The following PCDH15 variants were observed in gnomAD, a reference collection of about 807,000 sequenced individuals.
The protein encoded by PCDH15 is protocadherin-15.
Under a neutral mutation model 178.5 loss-of-function variants are expected in PCDH15, and 129 were observed. That is an observed-to-expected ratio of 0.72 (90% CI 0.63 to 0.84). The LOEUF (loss-of-function observed/expected upper bound fraction) is 0.84, where lower values mean the gene tolerates loss of function less well. Ranked by LOEUF, PCDH15 falls within the 40% of genes least tolerant of loss-of-function variation. The pLI, the probability that PCDH15 is intolerant of heterozygous loss-of-function variation, is 0.00. For missense variants in PCDH15, 2,230 were observed against 2,099.9 expected, an observed-to-expected ratio of 1.06 and a Z score of -1.21; for synonymous variants, 800 against 732.0, an observed-to-expected ratio of 1.09 and a Z score of -1.50.
At chr10:54,486,130 C>T (rs2079080786) in intron 3 of PCDH15, 1 of 151,908 alleles carries the variant, frequency 6.6e-6, no homozygotes, top group African/African-American at 2.4e-5. Flanking sequence ...ATATAGTTAC[C>T]ATAAATGGGA....
chr10:54,414,686 A>C (rs1217444918), intron 3 of PCDH15, among the ~76,000 whole-genome samples: 2 of 152,102 alleles, frequency 1.3e-5, no homozygotes, highest in Non-Finnish European at 2.9e-5. Flanking sequence ...AAAAATTTTA[A>C]ATTTATAATT....
intron 30 of PCDH15, among the ~76,000 whole-genome samples, chr10:53,829,924 G>T (rs1461758087): frequency 6.6e-6 from 1 of 152,036 alleles, no homozygotes; most frequent in Admixed American, 6.6e-5. Flanking sequence ...CATACATTTG[G>T]ATTTTCAGGT....
chr10:54,445,032 T>C (rs7071936), intron 3 of PCDH15, among the ~76,000 whole-genome samples: 12,919 of 151,102 alleles, frequency 0.085, 1,661 homozygotes, highest in African/African-American at 0.28. Context: ...TCCAAGGAGA[T>C]GATTCTCCTT....
At chr10:54,723,403 TG>T (rs1941968167) in intron 1 of PCDH15, among the ~76,000 whole-genome samples, 1 of 151,754 alleles carries the variant, frequency 6.6e-6, no homozygotes, top group Non-Finnish European at 1.5e-5. Flanking sequence ...CAAGTCAAAG[TG>T]GATTAAAGAC....
intron 14 of PCDH15, among the ~76,000 whole-genome samples, chr10:54,141,664 T>G (rs1194171975): frequency 6.6e-6 from 1 of 152,166 alleles, no homozygotes; most frequent in Non-Finnish European, 1.5e-5. Flanking sequence ...TAAGTGACAC[T>G]CAATTGAATT....
At chr10:54,633,844 A>G (rs2093770136) in intron 2 of PCDH15, among the ~76,000 whole-genome samples, 2 of 152,106 alleles carry the variant, frequency 1.3e-5, no homozygotes, top group Admixed American at 6.6e-5. Context: ...TGAAAAACTA[A>G]ACCTAAATCA....
intron 26 of PCDH15, among the ~76,000 whole-genome samples, chr10:53,871,341 A>G (rs1202021998): frequency 6.6e-6 from 1 of 152,066 alleles, no homozygotes; most frequent in Non-Finnish European, 1.5e-5. Flanking sequence ...ACGTCGTCTC[A>G]AAAAAACAAA....
chr10:54,483,647 A>G (rs1427256177), intron 3 of PCDH15, among the ~76,000 whole-genome samples: 1 of 151,944 alleles, frequency 6.6e-6, no homozygotes, highest in Non-Finnish European at 1.5e-5. Flanking sequence ...ATGAAATAAA[A>G]GAAACAGAAA....
chr10:54,799,464 T>C (rs1342112622), intron 1 of PCDH15, among the ~76,000 whole-genome samples: 1 of 152,148 alleles, frequency 6.6e-6, no homozygotes, highest in Non-Finnish European at 1.5e-5. Flanking sequence ...GAAAATGAAA[T>C]GTTTTATTTA....
chr10:54,866,949 C>T (rs1953953833), intron 3 of PCDH15, among the ~76,000 whole-genome samples: 1 of 152,144 alleles, frequency 6.6e-6, no homozygotes, highest in Admixed American at 6.6e-5. Flanking sequence ...GAGAAATGAA[C>T]ACAGTGTCAT....
At position 54,439,606 on chromosome 10, in the gene PCDH15, T is replaced by C. The variant is rs1333448094; in HGVS notation, c.158-60664A>G. On this transcript the variant is annotated intron_variant, in intron 3 of 37. Transcript: ENST00000644397. ...TTGGAAGCAGTGGGGAAAAAAATGG[T>C]AATGCTGGGCTTTGAATTTTATGGA... 4.6e-5 allele frequency among the ~76,000 whole-genome samples: 7 copies of C among 152,032 alleles called. No individual in the cohort carries two copies. In the East Asian group the frequency reaches 1.3e-3, roughly 29 times the overall value.
At chr10:55,060,194 T>C (rs1841396435) in intron 2 of PCDH15, among the ~76,000 whole-genome samples, 5 of 152,188 alleles carry the variant, frequency 3.3e-5, no homozygotes, top group South Asian at 2.1e-4. Context: ...CTACATTAAA[T>C]AGTCTCAGTT....
intron 2 of PCDH15, among the ~76,000 whole-genome samples, chr10:54,636,625 A>T (rs2134827646): frequency 6.6e-6 from 1 of 152,072 alleles, no homozygotes; most frequent in Admixed American, 6.6e-5. Flanking sequence ...AGGTCTCTGA[A>T]ATGTACAAAC....
Position 55,513,679 on chromosome 10 carries a change from A to C in PCDH15, c.-156+113946T>G, listed in dbSNP as rs79981753. Reference sequence around the variant, plus strand: ...AAACTTTATTTTTATATTGATATAAAGATGTAGAAATAATAGTAGCTATAA... The same window carrying C: ...AAACTTTATTTTTATATTGATATAACGATGTAGAAATAATAGTAGCTATAA... On this transcript the variant is annotated intron_variant, in intron 2 of 5. Transcript: ENST00000613346. Among the ~76,000 whole-genome samples, 719 of 152,180 alleles carry C rather than the reference A, an allele frequency of 4.7e-3. 6 individuals are homozygous for C. Among genetic ancestry groups the C allele is most frequent in the African/African-American group, 0.016 (685 of 41,568 alleles).
intron 6 of PCDH15, among the ~76,000 whole-genome samples, chr10:54,345,154 A>G (rs1249750649): frequency 2.0e-5 from 3 of 151,888 alleles, no homozygotes; most frequent in Admixed American, 1.3e-4. Context: ...GCTATGCAAC[A>G]GAGATAATAC....
chr10:54,506,351 T>C (rs2081164997), intron 3 of PCDH15, among the ~76,000 whole-genome samples: 1 of 152,066 alleles, frequency 6.6e-6, no homozygotes, highest in South Asian at 2.1e-4. Context: ...CCTAATATAA[T>C]GTGAATACTA....
At chr10:55,033,835 C>T (rs1353456267) in intron 2 of PCDH15, among the ~76,000 whole-genome samples, 1 of 151,956 alleles carries the variant, frequency 6.6e-6, no homozygotes, top group Admixed American at 6.6e-5. Context: ...CAGGCGTTGC[C>T]AATGTGATAG....
In PCDH15 at chr10:54,763,928, T is replaced by A. The variant is rs1948207249; in HGVS notation, c.-29+36997A>T. 3.3e-5 allele frequency among the ~76,000 whole-genome samples: 5 copies of A among 151,448 alleles called. 1 individual carries two copies. Among genetic ancestry groups the A allele is most frequent in the Admixed American group, 1.3e-4 (2 of 15,214 alleles). Reference sequence around the variant, plus strand: ...AATCTGCAGATTTCCTAGGGAAACTTATGATAGCCTATTAACATGCAAATA... The same window carrying A: ...AATCTGCAGATTTCCTAGGGAAACTAATGATAGCCTATTAACATGCAAATA... On this transcript the variant is annotated intron_variant, in intron 1 of 37. Coordinates refer to ENST00000644397, the MANE Select transcript of PCDH15 (RefSeq NM_001384140.1).
intron 3 of PCDH15, among the ~76,000 whole-genome samples, chr10:54,390,135 T>C (rs1950371505): frequency 6.6e-6 from 1 of 152,146 alleles, no homozygotes; most frequent in South Asian, 2.1e-4. Context: ...AGCCAAAACA[T>C]CACACCCTGA....
Sources: allele counts gnomAD v4.1 joint callset (sites outside exome capture counted in the v4.1 genomes callset), GRCh38; gene constraint gnomAD v4.1.1; transcripts MANE v1.5; gene names NCBI Gene and HGNC (gene_info 2026-07-23, HGNC 2026-07-21).